CLEC16A: variants seen among roughly 807,000 people sequenced by gnomAD.
CLEC16A encodes the protein protein CLEC16A.
Under a neutral mutation model 109.5 loss-of-function variants are expected in CLEC16A, and 51 were observed. The ratio of observed to expected loss-of-function variants is 0.47; its 90% CI spans 0.37 to 0.59. CLEC16A has a LOEUF of 0.59. Among genes scored for constraint, CLEC16A ranks in the 20% least tolerant of loss-of-function variants. CLEC16A has a pLI of 0.00. For missense variants in CLEC16A, 1,339 were observed against 1,394.0 expected, an observed-to-expected ratio of 0.96 and a Z score of 0.63; for synonymous variants, 673 against 564.2, an observed-to-expected ratio of 1.19 and a Z score of -2.73.
At chr16:11,058,507 T>A (rs930301374) in intron 18 of CLEC16A, among the ~76,000 whole-genome samples, 3 of 151,050 alleles carry the variant, frequency 2.0e-5, no homozygotes, top group African/African-American at 7.4e-5. Flanking sequence ...CTGTACAAGT[T>A]GAGTACAGAT....
At chr16:11,020,643 C>T (rs2046044885) in intron 12 of CLEC16A, among the ~76,000 whole-genome samples, 1 of 152,252 alleles carries the variant, frequency 6.6e-6, no homozygotes, top group African/African-American at 2.4e-5. Context: ...CCTAGAAATG[C>T]TCTGCTGCTC....
At position 11,120,667 on chromosome 16, in the gene CLEC16A, C is replaced by T; in HGVS notation, c.2169C>T (p.Val723=). Residue 723 remains valine, a synonymous_variant, in exon 20 of 24, where the codon GTC becomes GTT. Coordinates refer to ENST00000409790, the MANE Select transcript of CLEC16A (RefSeq NM_015226.3). Reference sequence around the variant, plus strand: ...TGATCACCAAGGATGGCGGCATGGTCCAGCGATTCCTGGCTGTGGATATTT... The same window carrying T: ...TGATCACCAAGGATGGCGGCATGGTTCAGCGATTCCTGGCTGTGGATATTT... The part of the protein sequence containing the change: ...CTVITKDGGM[V]QRFLAVDIYQ... 3 of 1,613,050 alleles carry T rather than the reference C, an allele frequency of 1.9e-6. No individual in the cohort carries two copies. Among genetic ancestry groups the T allele is most frequent in the South Asian group, 2.2e-5 (2 of 90,776 alleles).
intron 11 of CLEC16A, among the ~76,000 whole-genome samples, chr16:11,003,967 C>G (rs1214240625): frequency 8.7e-6 from 1 of 114,692 alleles, no homozygotes; most frequent in Non-Finnish European, 1.7e-5. Context: ...GATCCTGTCT[C>G]TACAAAAAAA....
chr16:11,054,575 G>A (rs1196579322), intron 18 of CLEC16A, among the ~76,000 whole-genome samples: 1 of 152,162 alleles, frequency 6.6e-6, no homozygotes, highest in African/African-American at 2.4e-5. Flanking sequence ...CAACTCTCAA[G>A]TCCTCCCAGG....
At chr16:10,963,171 CTG>C (rs1377868865) in intron 3 of CLEC16A, among the ~76,000 whole-genome samples, 3 of 152,166 alleles carry the variant, frequency 2.0e-5, no homozygotes, top group Non-Finnish European at 2.9e-5. Flanking sequence ...GGCCTTTCAT[CTG>C]TGTGTGAGTG....
chr16:11,120,834 ACACAC>A, intron 20 of CLEC16A, 68 bp downstream of exon 20: 6 of 1,203,738 alleles, frequency 5.0e-6, no homozygotes, highest in Non-Finnish European at 4.4e-6. Flanking sequence ...ACACACACAC[ACACAC>A]CACACACAAT....
chr16:10,967,491 C>T (rs1417536360), intron 3 of CLEC16A, among the ~76,000 whole-genome samples: 1 of 152,186 alleles, frequency 6.6e-6, no homozygotes, highest in Non-Finnish European at 1.5e-5. Flanking sequence ...CCTTGAACTC[C>T]TGGCCTCAAG....
intron 16 of CLEC16A, chr16:11,044,330 G>C (rs1369416225): frequency 3.2e-6 from 1 of 317,382 alleles, no homozygotes; most frequent in Non-Finnish European, 5.7e-6. Context: ...ACATGGATTT[G>C]GTTATTTGGG....
At chr16:11,050,254 C>A (rs922475231) in intron 17 of CLEC16A, among the ~76,000 whole-genome samples, 1 of 152,158 alleles carries the variant, frequency 6.6e-6, no homozygotes, top group Non-Finnish European at 1.5e-5. Flanking sequence ...TTCATGAGAC[C>A]CAATCCCGTC....
chr16:10,948,326 G>C (rs905246282), intron 1 of CLEC16A, among the ~76,000 whole-genome samples: 2 of 152,334 alleles, frequency 1.3e-5, no homozygotes, highest in East Asian at 1.9e-4. Flanking sequence ...GAATTTTCCT[G>C]TTAGGGTTTT....
intron 11 of CLEC16A, among the ~76,000 whole-genome samples, 167 bp from the exon 12 acceptor site, chr16:11,020,026 C>G (rs894726618): frequency 6.6e-6 from 1 of 152,200 alleles, no homozygotes; most frequent in Non-Finnish European, 1.5e-5. Flanking sequence ...TGGCCTCTGT[C>G]TTATTTCCAC....
intron 19 of CLEC16A, among the ~76,000 whole-genome samples, chr16:11,098,687 C>G (rs981265722): frequency 4.6e-5 from 7 of 152,220 alleles, no homozygotes; most frequent in African/African-American, 1.7e-4. Flanking sequence ...CAATGGGCCT[C>G]CCTTCGAGGA....
chr16:11,028,402 C>A (rs1190585245), intron 13 of CLEC16A, among the ~76,000 whole-genome samples: 1 of 152,086 alleles, frequency 6.6e-6, no homozygotes, highest in African/African-American at 2.4e-5. Context: ...TTGTACAAGG[C>A]TCCCTAAGAC....
intron 1 of CLEC16A, among the ~76,000 whole-genome samples, chr16:10,951,489 A>G (rs752237887): frequency 4.4e-5 from 5 of 113,646 alleles, no homozygotes; most frequent in Admixed American, 8.4e-5. Flanking sequence ...CTGTAGTCCT[A>G]GAAGGGTTGT....
intron 20 of CLEC16A, 46 bp downstream of exon 20, chr16:11,120,812 AC>A (rs1291338038): frequency 3.6e-6 from 1 of 277,826 alleles, no homozygotes; most frequent in Non-Finnish European, 4.3e-6. Flanking sequence ...TTGGCTACAA[AC>A]ACACACACAC....
chr16:10,977,741 C>T (rs1295218565), intron 8 of CLEC16A, among the ~76,000 whole-genome samples: 1 of 152,156 alleles, frequency 6.6e-6, no homozygotes, highest in Non-Finnish European at 1.5e-5. Context: ...TGGTCTCAAA[C>T]TCTTGACCTC....
intron 13 of CLEC16A, among the ~76,000 whole-genome samples, chr16:11,032,078 G>A (rs1480818201): frequency 6.6e-6 from 1 of 152,228 alleles, no homozygotes; most frequent in African/African-American, 2.4e-5. Flanking sequence ...AGGGTCACTT[G>A]CCTGGTGGTG....
intron 23 of CLEC16A, among the ~76,000 whole-genome samples, chr16:11,166,880 G>A (rs1444896935): frequency 6.6e-6 from 1 of 152,228 alleles, no homozygotes; most frequent in Non-Finnish European, 1.5e-5. Context: ...GTCACAAGGA[G>A]GGGTCTCCCA....
In CLEC16A at chr16:11,044,033, G is replaced by C. The variant is rs74163618; in HGVS notation, c.1776G>C (p.Ala592=). Residue 592 remains alanine, a synonymous_variant, in exon 16 of 24, where the codon GCG becomes GCC. Transcript: ENST00000409790. ...CCTTCCTTCTCTTTTAACAGGGTGC[G>C]AGAGAAGAAAGTGTTCACCTTGTAC... ...KDVHLACLEG[A]REESVHLVRH... The C allele has an allele frequency of 1.2e-6, 2 of 1,608,054 alleles. No individual in the cohort carries two copies. The highest frequency in any genetic ancestry group is 1.7e-6 in the Non-Finnish European group (2 of 1,176,300).
Sources: allele counts gnomAD v4.1 joint callset (sites outside exome capture counted in the v4.1 genomes callset), GRCh38; gene constraint gnomAD v4.1.1; transcripts MANE v1.5; gene names NCBI Gene and HGNC (gene_info 2026-07-23, HGNC 2026-07-21).